SMC3: variants seen among roughly 807,000 people sequenced by gnomAD.
SMC3 encodes structural maintenance of chromosomes protein 3.
Under a neutral mutation model 171.8 loss-of-function variants are expected in SMC3, and 20 were observed. That is an observed-to-expected ratio of 0.12 (90% confidence interval 0.08 to 0.17). SMC3 has a LOEUF of 0.17. Ranked by LOEUF, SMC3 falls within the 10% of genes least tolerant of loss-of-function variation. The pLI, the probability that SMC3 is intolerant of heterozygous loss-of-function variation, is 1.00. For synonymous variants in SMC3, 464 were observed against 451.1 expected, an observed-to-expected ratio of 1.03 and a Z score of -0.36; for missense variants, 543 against 1,420.4, an observed-to-expected ratio of 0.38 and a Z score of 9.93.
chr10:110,593,940 A>G (rs1861251887), intron 18 of SMC3, among the ~76,000 whole-genome samples: 1 of 152,152 alleles, frequency 6.6e-6, no homozygotes, highest in Admixed American at 6.6e-5. Flanking sequence ...GTGAGCCAAG[A>G]TCACACCCCT....
At chr10:110,576,549 G>T (rs111733772) in intron 4 of SMC3, among the ~76,000 whole-genome samples, 4 of 152,268 alleles carry the variant, frequency 2.6e-5, no homozygotes, top group African/African-American at 9.6e-5. Context: ...CTTCTGATTT[G>T]AATATTGTTT....
rs76345407 is a variant in SMC3, at chr10:110,575,772, T to C, written c.198+369T>C. Among the ~76,000 whole-genome samples the C allele has an allele frequency of 1.4e-4, 21 of 152,342 alleles. No individual in the cohort carries two copies. The East Asian group carries it at 3.3e-3, about 24-fold the overall frequency. On this transcript the variant is annotated intron_variant, in intron 4 of 28. Coordinates refer to ENST00000361804, the MANE Select transcript of SMC3 (RefSeq NM_005445.4). ...TTATGTGATGGTTAGGAGAAAATTA[T>C]AGGATTTGCCTATAGGTGGGTATGT...
chr10:110,582,150 A>G (rs1861040759), intron 9 of SMC3, 52 bp downstream of exon 9: 19 of 1,481,754 alleles, frequency 1.3e-5, no homozygotes, highest in Non-Finnish European at 1.8e-5. Context: ...GTTTTTATGA[A>G]TTTGTTAAAC....
chr10:110,571,158 CTT>C (rs1340878731), intron 2 of SMC3, among the ~76,000 whole-genome samples: 1 of 152,130 alleles, frequency 6.6e-6, no homozygotes, highest in African/African-American at 2.4e-5. Flanking sequence ...GATAACCATT[CTT>C]TGTTTTTTAC....
intron 13 of SMC3, 26 bp from the exon 14 acceptor site, chr10:110,589,579 T>C: frequency 1.4e-6 from 2 of 1,470,066 alleles, no homozygotes; most frequent in Non-Finnish European, 1.9e-6. Context: ...TGAAATTGAA[T>C]TTTAAATTTA....
chr10:110,580,984 A>G lies in SMC3; in HGVS notation c.510A>G (p.Glu170=), dbSNP rs775788798. ...REVAGTRVYD[E]RKEESISLMK... ...TAGCTGGTACTAGAGTGTATGACGA[A>G]CGAAAGGAAGAAAGCATCTCCTTAA... Residue 170 remains glutamate (E), a synonymous_variant, in exon 8 of 29, where the codon GAA becomes GAG. Transcript: ENST00000361804. 1 of 1,602,862 alleles carries G rather than the reference A, an allele frequency of 6.2e-7. No individual in the cohort carries two copies.
intron 13 of SMC3, among the ~76,000 whole-genome samples, chr10:110,587,214 G>A (rs1337254260): frequency 3.3e-5 from 5 of 152,092 alleles, no homozygotes; most frequent in African/African-American, 1.2e-4. Flanking sequence ...CAAACTAAAT[G>A]TTTTCTCTTT....
chr10:110,596,222 CAAAA>C (rs55837501), intron 18 of SMC3, among the ~76,000 whole-genome samples, 172 bp from the exon 19 acceptor site: 2 of 124,822 alleles, frequency 1.6e-5, no homozygotes, highest in Non-Finnish European at 3.2e-5. Flanking sequence ...GACCCTGTCT[CAAAA>C]AAAAAAAAAA....
intron 18 of SMC3, 140 bp from the exon 19 acceptor site, chr10:110,596,254 AAAGC>A: frequency 1.4e-6 from 1 of 701,838 alleles, no homozygotes; most frequent in African/African-American, 1.9e-5. Flanking sequence ...CTAGCATTGA[AAAGC>A]AAAATTTTTT....
In SMC3 at chr10:110,602,095, G is replaced by C; in HGVS notation, c.3022G>C (p.Asp1008His). The C allele has an allele frequency of 6.2e-7, 1 of 1,613,820 alleles. No homozygotes were observed. Among genetic ancestry groups the C allele is most frequent in the Non-Finnish European group, 8.5e-7 (1 of 1,179,782 alleles). Residue 1008 changes from aspartate (D) to histidine (H), a missense_variant, in exon 25 of 29, where the codon GAT becomes CAT. Physicochemically the swap from Asp to His is moderately conservative, Grantham distance 81 (BLOSUM62 -1). Around this residue, in one of 8 missense-constraint regions of SMC3, gnomAD observed 81 missense variants for 184.2 expected, o/e 0.44. Coordinates refer to ENST00000361804, the MANE Select transcript of SMC3 (RefSeq NM_005445.4). Reference protein sequence around the residue: ...EKLIKRQEELDRGYKSIMELM... With the variant: ...EKLIKRQEELHRGYKSIMELM... ...GTTAATAAAGCGTCAAGAAGAGTTA[G>C]ATAGGGGTTACAAATCAATCATGGA... is the stretch of plus-strand genomic sequence containing the variant.
intron 2 of SMC3, among the ~76,000 whole-genome samples, chr10:110,570,327 G>A (rs925831738): frequency 7.2e-5 from 11 of 152,194 alleles, no homozygotes; most frequent in African/African-American, 2.7e-4. Flanking sequence ...AAGACCTTTA[G>A]AGAATCATAC....
intron 8 of SMC3, 122 bp from the exon 9 acceptor site, chr10:110,581,801 C>T (rs1427036440): frequency 1.5e-5 from 15 of 976,690 alleles, no homozygotes; most frequent in Non-Finnish European, 2.4e-5. Flanking sequence ...TGGGTTACCA[C>T]ATCACATCAA....
chr10:110,600,923 A>AT lies in SMC3; in HGVS notation c.2536-92dup, dbSNP rs1861376803. The stretch of plus-strand genomic sequence containing the variant: ...ATTTGTAATTATATGATGTATTTAT[A>AT]TTTTTTTGTTTTCTTGAATGTTTAT... On this transcript the variant is annotated intron_variant, in intron 22 of 28. Coordinates refer to ENST00000361804, the MANE Select transcript of SMC3 (RefSeq NM_005445.4). 1.2e-5 allele frequency: 10 copies of AT among 837,370 alleles called. No homozygotes were observed. The South Asian group carries it at 1.3e-4, about 11-fold the overall frequency. 51.9% of individuals were successfully genotyped at this position (837,370 alleles called of 1,614,324 possible).
intron 4 of SMC3, among the ~76,000 whole-genome samples, chr10:110,576,286 T>C (rs908871929): frequency 1.3e-5 from 2 of 152,208 alleles, no homozygotes; most frequent in African/African-American, 4.8e-5. Flanking sequence ...CATTCAGCCA[T>C]TTGTTGAACC....
At chr10:110,595,744 ATT>A (rs56285126) in intron 18 of SMC3, among the ~76,000 whole-genome samples, 111,312 of 150,894 alleles carry the variant, frequency 0.74, 42,218 homozygotes, top group Non-Finnish European at 0.84. Flanking sequence ...TGATTCATGA[ATT>A]TTTTTTTTTT....
rs754149018 is a variant in SMC3 at position 110,596,380 on chromosome 10, CAT to C, written c.1964-15_1964-14del. On this transcript the variant is annotated splice_polypyrimidine_tract_variant and intron_variant, in intron 18 of 28. Coordinates refer to ENST00000361804, the MANE Select transcript of SMC3 (RefSeq NM_005445.4). ...ATAAAAAAGTTGTACAGACCTATTA[CAT>C]ATGTTTTGTTTATAGGTGACCAAGT... is the stretch of plus-strand genomic sequence containing the variant. 102 of 1,610,182 alleles carry C rather than the reference CAT, an allele frequency of 6.3e-5. 1 individual carries two copies. The Middle Eastern group carries it at 1.2e-3, about 18-fold the overall frequency.
At chr10:110,602,451 T>G in intron 25 of SMC3, 23 bp from the exon 26 acceptor site, 1 of 1,594,254 alleles carries the variant, frequency 6.3e-7, no homozygotes, top group South Asian at 1.1e-5. Context: ...AAAATTTATA[T>G]TTCAATCTGC....
intron 13 of SMC3, 96 bp downstream of exon 13, chr10:110,584,492 A>C: frequency 1.2e-6 from 1 of 825,362 alleles, no homozygotes; most frequent in South Asian, 1.5e-5. Context: ...ATAAGTCTAC[A>C]TGTTGCTCTT....
rs1203882214 is a variant in SMC3 at position 110,602,295 on chromosome 10, GAACA to G, written c.3105+121_3105+124del. On this transcript the variant is annotated intron_variant, in intron 25 of 28. Transcript: ENST00000361804. Reference sequence around the variant, plus strand: ...ATTACCAGGTGAATCTAATACATGTGAACAAACCTAGCATATAGGTTTACAGTAA... The same window carrying G: ...ATTACCAGGTGAATCTAATACATGTGAACCTAGCATATAGGTTTACAGTAA... 7.8e-6 allele frequency: 8 copies of G among 1,029,628 alleles called. No individual in the cohort carries two copies. The Admixed American group carries it at 7.8e-5, about 10-fold the overall frequency. The allele number at this position is 1,029,628 out of a possible 1,614,324, so 63.8% of individuals were successfully genotyped here.
Sources: gnomAD v4.1 joint callset for allele counts (sites outside exome capture counted in the v4.1 genomes callset) on GRCh38, gnomAD v4.1.1 for gene constraint, gnomAD v4.1.1 regional missense constraint, MANE v1.5 for transcripts, NCBI Gene and HGNC (gene_info 2026-07-23, HGNC 2026-07-21) for gene names.